Variants in OPCML observed in about 807,000 individuals in gnomAD.
OPCML encodes opioid-binding protein/cell adhesion molecule.
A neutral mutation model predicts 37.8 loss-of-function variants in OPCML; 13 were observed. The ratio of observed to expected loss-of-function variants is 0.34; its 90% CI spans 0.22 to 0.55. The LOEUF (loss-of-function observed/expected upper bound fraction) is 0.55, where lower values mean the gene tolerates loss of function less well. Ranked by LOEUF, OPCML falls within the 20% of genes least tolerant of loss-of-function variation. The probability of loss-of-function intolerance (pLI) is 0.91; values close to 1 mark genes in which losing one functional copy is unlikely to be tolerated. For synonymous variants in OPCML, 176 were observed against 168.8 expected (o/e 1.04, Z -0.33); for missense variants, 341 against 435.6 (o/e 0.78, Z 1.93).
At chr11:133,002,917 T>C (rs1242780208) in intron 1 of OPCML, among the ~76,000 whole-genome samples, 1 of 152,120 alleles carries the variant, frequency 6.6e-6, no homozygotes, top group East Asian at 1.9e-4. Context: ...ATTTGAACTT[T>C]AGAACAACTC....
intron 1 of OPCML, among the ~76,000 whole-genome samples, chr11:133,433,692 A>G (rs1243521597): frequency 1.3e-5 from 2 of 152,162 alleles, no homozygotes; most frequent in Non-Finnish European, 2.9e-5. Flanking sequence ...TTGCCCCTCC[A>G]TCCAGAGACA....
At chr11:133,140,317 G>C (rs565790404) in intron 1 of OPCML, among the ~76,000 whole-genome samples, 1 of 149,982 alleles carries the variant, frequency 6.7e-6, no homozygotes, top group South Asian at 2.1e-4. Flanking sequence ...TTCAAGACCA[G>C]CCTAGCCAAT....
chr11:133,089,453 T>C (rs6590678), intron 1 of OPCML, among the ~76,000 whole-genome samples: 16,777 of 152,200 alleles, frequency 0.11, 1,377 homozygotes, highest in African/African-American at 0.23. Flanking sequence ...AAGCATTAAT[T>C]GTATTAACTA....
At chr11:133,350,150 C>A (rs1944100020) in intron 1 of OPCML, among the ~76,000 whole-genome samples, 1 of 152,182 alleles carries the variant, frequency 6.6e-6, no homozygotes, top group Admixed American at 6.5e-5. Flanking sequence ...AAGGGACAGC[C>A]CCCTTTTCTG....
intron 1 of OPCML, among the ~76,000 whole-genome samples, chr11:133,081,618 T>G: frequency 6.6e-6 from 1 of 152,180 alleles, no homozygotes; most frequent in East Asian, 1.9e-4. Context: ...ATTCTCCCTT[T>G]GGATAAGCCC....
intron 1 of OPCML, among the ~76,000 whole-genome samples, chr11:133,303,748 G>A (rs1032008836): frequency 1.3e-5 from 2 of 152,072 alleles, no homozygotes; most frequent in African/African-American, 2.4e-5. Context: ...AGCTTGAAAT[G>A]TGGGGATGAT....
In OPCML at chr11:133,282,177, C is replaced by T. The variant is rs971831333; in HGVS notation, c.61+250087G>A. 3.3e-5 allele frequency among the ~76,000 whole-genome samples: 5 copies of T among 152,164 alleles called. No individual in the cohort carries two copies. The South Asian group carries it at 1.0e-3, about 32-fold the overall frequency. On this transcript the variant is annotated intron_variant, in intron 1 of 7. Transcript: ENST00000524381. ...TAACATGACTAAAAGGGAGCCAAGG[C>T]ATTTCGAAAGTCTTTGGAACGGCCC...
chr11:132,949,422 G>A (rs1036716848), intron 1 of OPCML, among the ~76,000 whole-genome samples: 7 of 152,170 alleles, frequency 4.6e-5, no homozygotes, highest in Admixed American at 4.6e-4. Flanking sequence ...ACAAAGGGGA[G>A]GTGGGCCTTG....
At chr11:132,589,190 A>G (rs879586717) in intron 3 of OPCML, among the ~76,000 whole-genome samples, 2 of 152,196 alleles carry the variant, frequency 1.3e-5, no homozygotes, top group Non-Finnish European at 2.9e-5. Context: ...AATCAACCAG[A>G]CAAAAATGCA....
intron 2 of OPCML, among the ~76,000 whole-genome samples, chr11:132,833,043 G>C (rs7941949): frequency 0.3 from 45,217 of 151,948 alleles, 7,937 homozygotes; most frequent in Non-Finnish European, 0.41. Flanking sequence ...AGTTAGTACC[G>C]GGGACTTTAT....
intron 1 of OPCML, among the ~76,000 whole-genome samples, chr11:133,126,772 A>G (rs1310786950): frequency 6.6e-6 from 1 of 152,100 alleles, no homozygotes; most frequent in Non-Finnish European, 1.5e-5. Flanking sequence ...AGCTACACAA[A>G]GATACTGGGC....
Position 133,460,810 on chromosome 11 carries a change from A to G in OPCML, c.61+71454T>C, listed in dbSNP as rs1282739403. ...GTTCCAAAAAATTGAAGAGGAAGGAATGCTTCCTAATTCTCTAGAAAATAC... is the reference window on the plus strand; with the variant it reads ...GTTCCAAAAAATTGAAGAGGAAGGAGTGCTTCCTAATTCTCTAGAAAATAC... On this transcript the variant is annotated intron_variant, in intron 1 of 7. Coordinates refer to ENST00000524381, the MANE Select transcript of OPCML (RefSeq NM_001012393.5). Among the ~76,000 whole-genome samples, 3 of 151,878 alleles carry G rather than the reference A, an allele frequency of 2.0e-5. No individual in the cohort carries two copies. In the East Asian group the frequency reaches 5.8e-4, roughly 29 times the overall value.
At chr11:132,596,667 A>T (rs1284272900) in intron 3 of OPCML, among the ~76,000 whole-genome samples, 6 of 152,110 alleles carry the variant, frequency 3.9e-5, no homozygotes, top group Non-Finnish European at 8.8e-5. Context: ...TGATTAGTAG[A>T]CTTGTTACCT....
intron 3 of OPCML, among the ~76,000 whole-genome samples, chr11:132,636,609 A>C (rs1388316867): frequency 6.6e-6 from 1 of 152,228 alleles, no homozygotes; most frequent in East Asian, 1.9e-4. Context: ...AGCGAATGTG[A>C]GGATACACTA....
intron 2 of OPCML, among the ~76,000 whole-genome samples, chr11:132,678,938 G>A (rs746323041): frequency 1.1e-4 from 16 of 152,260 alleles, no homozygotes; most frequent in Non-Finnish European, 2.2e-4. Flanking sequence ...CCACTCCGGT[G>A]GGGGTGGTGA....
At chr11:132,858,966 A>G (rs564455888) in intron 2 of OPCML, among the ~76,000 whole-genome samples, 1 of 152,258 alleles carries the variant, frequency 6.6e-6, no homozygotes, top group African/African-American at 2.4e-5. Flanking sequence ...CATTCTCTTC[A>G]TTTCTTTGAG....
chr11:132,438,169 C>T (rs1256493884), intron 4 of OPCML, among the ~76,000 whole-genome samples: 2 of 152,218 alleles, frequency 1.3e-5, no homozygotes, highest in Non-Finnish European at 2.9e-5. Flanking sequence ...ATTACAGGTT[C>T]TTGCAACAAT....
At chr11:133,464,576 C>T (rs998084587) in intron 1 of OPCML, among the ~76,000 whole-genome samples, 10 of 152,042 alleles carry the variant, frequency 6.6e-5, no homozygotes, top group Admixed American at 3.3e-4. Context: ...GGAGGAGGAA[C>T]ACATCAAGGT....
chr11:133,363,279 G>A (rs546301781), intron 1 of OPCML, among the ~76,000 whole-genome samples: 5 of 152,306 alleles, frequency 3.3e-5, no homozygotes, highest in African/African-American at 1.2e-4. Context: ...GAGCTTCCTG[G>A]GCAGAACAGA....
Sources: allele counts gnomAD v4.1 joint callset (sites outside exome capture counted in the v4.1 genomes callset), GRCh38; gene constraint gnomAD v4.1.1; transcripts MANE v1.5; gene names NCBI Gene and HGNC (gene_info 2026-07-23, HGNC 2026-07-21).